Variants in WWC2 observed in about 807,000 individuals in gnomAD.
WWC2 encodes the protein protein WWC2.
Under a neutral mutation model 138.5 loss-of-function variants are expected in WWC2, and 101 were observed. The ratio of observed to expected loss-of-function variants is 0.73; its 90% CI spans 0.62 to 0.86. The LOEUF (loss-of-function observed/expected upper bound fraction) is 0.86, where lower values mean the gene tolerates loss of function less well. Ranked by LOEUF, WWC2 falls within the 40% of genes least tolerant of loss-of-function variation. The pLI, the probability that WWC2 is intolerant of heterozygous loss-of-function variation, is 0.00. For missense variants in WWC2, 1,420 were observed against 1,419.4 expected, an observed-to-expected ratio of 1.00 and a Z score of -0.01; for synonymous variants, 558 against 538.4, an observed-to-expected ratio of 1.04 and a Z score of -0.50.
At chr4:183,183,478 C>T (rs993285514) in intron 1 of WWC2, among the ~76,000 whole-genome samples, 5 of 152,138 alleles carry the variant, frequency 3.3e-5, no homozygotes, top group African/African-American at 1.2e-4. Flanking sequence ...GAGTGAGTTT[C>T]ATCACTAAGA....
intron 9 of WWC2, among the ~76,000 whole-genome samples, chr4:183,258,778 C>A (rs1737230983): frequency 6.6e-6 from 1 of 152,148 alleles, no homozygotes; most frequent in African/African-American, 2.4e-5. Context: ...GATTAGAAAC[C>A]CAGGTGCCCT....
rs117637739 is a variant in WWC2 at position 183,129,331 on chromosome 4, A to G, written c.131+29709A>G. Among the ~76,000 whole-genome samples, 108 of 152,302 alleles carry G rather than the reference A, an allele frequency of 7.1e-4. No homozygotes were observed. The East Asian group carries it at 0.018, about 25-fold the overall frequency. ...GATGATATAATTTATTGTTCAAACC[A>G]GGGCTCTTTGAGACTGAAGGTCATC... On this transcript the variant is annotated intron_variant, in intron 1 of 22. Transcript: ENST00000403733.
intron 1 of WWC2, among the ~76,000 whole-genome samples, chr4:183,108,958 G>A (rs1732135506): frequency 6.6e-6 from 1 of 152,146 alleles, no homozygotes; most frequent in East Asian, 1.9e-4. Context: ...TACCAACAGG[G>A]AAAAGTAAGT....
rs7659969 is a variant in WWC2 at position 183,147,773 on chromosome 4, C to T, written c.132-45826C>T. On this transcript the variant is annotated intron_variant, in intron 1 of 22. Coordinates refer to ENST00000403733, the MANE Select transcript of WWC2 (RefSeq NM_024949.6). ...AAGGATTGTCTGCATTATTTAAGTT[C>T]TGTGTTTTGAAATGCCATAAAGACA... Among the ~76,000 whole-genome samples the T allele has an allele frequency of 3.7e-3, 567 of 152,188 alleles. 3 individuals are homozygous for T. The highest frequency in any genetic ancestry group is 0.013 in the African/African-American group (532 of 41,512).
chr4:183,174,018 G>A (rs1288130038), intron 1 of WWC2, among the ~76,000 whole-genome samples: 2 of 152,138 alleles, frequency 1.3e-5, no homozygotes, highest in East Asian at 1.9e-4. Context: ...GGTCTGGTCA[G>A]TTTTCCCAGG....
chr4:183,158,622 G>C (rs559047309), intron 1 of WWC2, among the ~76,000 whole-genome samples: 1 of 151,974 alleles, frequency 6.6e-6, no homozygotes, highest in Admixed American at 6.6e-5. Flanking sequence ...ATGGTGTTGA[G>C]GGTTAGGACT....
At chr4:183,192,581 G>A (rs1251794258) in intron 1 of WWC2, among the ~76,000 whole-genome samples, 2 of 152,214 alleles carry the variant, frequency 1.3e-5, no homozygotes, top group Non-Finnish European at 1.5e-5. Flanking sequence ...TCATTCTTGA[G>A]CATTCTGAAG....
intron 1 of WWC2, among the ~76,000 whole-genome samples, chr4:183,179,042 T>G (rs894247467): frequency 3.9e-5 from 6 of 152,330 alleles, no homozygotes; most frequent in Admixed American, 1.3e-4. Context: ...AAGATGCTCC[T>G]GTGACATAAA....
intron 9 of WWC2, 126 bp from the exon 10 acceptor site, chr4:183,259,513 C>G (rs1580119363): frequency 5.5e-6 from 4 of 722,662 alleles, no homozygotes; most frequent in Non-Finnish European, 8.9e-6. Context: ...GTCCTGTTTT[C>G]TGTCTGTGGA....
intron 4 of WWC2, among the ~76,000 whole-genome samples, chr4:183,214,590 C>T (rs1298431285): frequency 3.3e-5 from 5 of 151,766 alleles, no homozygotes; most frequent in African/African-American, 1.2e-4. Flanking sequence ...GTCGGGAGTT[C>T]GAGACCAGCC....
rs1329699012 is a variant in WWC2 at position 183,319,530 on chromosome 4, A to G, written c.*3801A>G. On this transcript the variant is annotated 3_prime_UTR_variant, in exon 23 of 23. Transcript: ENST00000403733. ...TCCAGTGTTGAGCAAGCGTCTCCTG[A>G]ACAGCAGACGCTTGTCCTTTCTGGC... 2 of 1,575,476 alleles carry G rather than the reference A, an allele frequency of 1.3e-6. No individual in the cohort carries two copies. Among genetic ancestry groups the G allele is most frequent in the East Asian group, 2.2e-5 (1 of 44,638 alleles).
Position 183,189,699 on chromosome 4 carries a change from A to G in WWC2, c.132-3900A>G, listed in dbSNP as rs147415786. Among the ~76,000 whole-genome samples the G allele has an allele frequency of 5.1e-3, 780 of 152,356 alleles. 12 individuals carry two copies. The highest frequency in any genetic ancestry group is 0.018 in the African/African-American group (729 of 41,586). Reference sequence around the variant, plus strand: ...ATGAGAACAGCAGATGCTACAAAGTAAAAATAACTGTTAAGACTTTTAATG... The same window carrying G: ...ATGAGAACAGCAGATGCTACAAAGTGAAAATAACTGTTAAGACTTTTAATG... On this transcript the variant is annotated intron_variant, in intron 1 of 22. Transcript: ENST00000403733.
In WWC2 at chr4:183,319,780, C is replaced by G. The variant is rs549983643; in HGVS notation, c.*4051C>G. ...TCTGGGACGTTCTCATCCCAGAACTCCTGAACCGTCTTGTGGGCAACCCAA... is the reference window on the plus strand; with the variant it reads ...TCTGGGACGTTCTCATCCCAGAACTGCTGAACCGTCTTGTGGGCAACCCAA... On this transcript the variant is annotated 3_prime_UTR_variant, in exon 23 of 23. Transcript: ENST00000403733. 1.7e-5 allele frequency: 28 copies of G among 1,613,932 alleles called. No homozygotes were observed. Among genetic ancestry groups the G allele is most frequent in the Non-Finnish European group, 2.2e-5 (26 of 1,179,968 alleles).
intron 1 of WWC2, among the ~76,000 whole-genome samples, chr4:183,177,823 T>C (rs1734507865): frequency 6.6e-6 from 1 of 152,136 alleles, no homozygotes; most frequent in Non-Finnish European, 1.5e-5. Context: ...TCTTAAAGCT[T>C]TTTTGGGAAG....
chr4:183,304,079 T>C (rs1372788482), intron 21 of WWC2, among the ~76,000 whole-genome samples: 2 of 152,058 alleles, frequency 1.3e-5, no homozygotes, highest in Non-Finnish European at 2.9e-5. Context: ...TATAAGGAGT[T>C]TGAAGTCTTC....
At chr4:183,180,063 A>G (rs902699272) in intron 1 of WWC2, among the ~76,000 whole-genome samples, 12 of 152,348 alleles carry the variant, frequency 7.9e-5, no homozygotes, top group African/African-American at 2.9e-4. Context: ...ATTTTTAAGG[A>G]CGTTGAATCT....
intron 21 of WWC2, among the ~76,000 whole-genome samples, chr4:183,306,902 A>C (rs2111111805): frequency 6.6e-6 from 1 of 152,072 alleles, no homozygotes; most frequent in East Asian, 1.9e-4. Context: ...AAAAAACTAC[A>C]AGGAGAAGTG....
intron 4 of WWC2, among the ~76,000 whole-genome samples, chr4:183,226,503 TAAA>T (rs1219375514): frequency 6.6e-6 from 1 of 152,050 alleles, no homozygotes. Context: ...TATATAGGCT[TAAA>T]GAAGAATACT....
intron 17 of WWC2, among the ~76,000 whole-genome samples, chr4:183,281,845 A>T (rs1424224840): frequency 6.6e-6 from 1 of 152,184 alleles, no homozygotes; most frequent in African/African-American, 2.4e-5. Flanking sequence ...TTAAATAGTA[A>T]TTCTCATATA....
Sources: allele counts gnomAD v4.1 joint callset (sites outside exome capture counted in the v4.1 genomes callset), GRCh38; gene constraint gnomAD v4.1.1; transcripts MANE v1.5; gene names NCBI Gene and HGNC (gene_info 2026-07-23, HGNC 2026-07-21).